Variants in MYO7A observed in about 807,000 individuals in gnomAD.
The protein encoded by MYO7A is unconventional myosin-VIIa.
In MYO7A, 210 loss-of-function variants were observed where a neutral mutation model predicts 263.8. That is an observed-to-expected ratio of 0.80 (90% CI 0.71 to 0.89). MYO7A has a LOEUF of 0.89. MYO7A is among the 40% of genes least tolerant of loss of function. MYO7A has a pLI of 0.00. For synonymous variants in MYO7A, 1,239 were observed against 1,197.3 expected (o/e 1.03, Z -0.72); for missense variants, 2,820 against 2,968.3 (o/e 0.95, Z 1.16).
At chr11:77,201,892 G>A (rs920366710) in intron 36 of MYO7A, among the ~76,000 whole-genome samples, 5 of 152,002 alleles carry the variant, frequency 3.3e-5, no homozygotes, top group South Asian at 4.1e-4. Context: ...TGTATCACCC[G>A]CACTGTCTGA....
rs1952582960 is a variant in MYO7A at position 77,157,368 on chromosome 11, C to A, written c.825C>A (p.Ala275=). The A allele has an allele frequency of 1.9e-6, 3 of 1,609,952 alleles. No homozygotes were observed. Among genetic ancestry groups the A allele is most frequent in the Non-Finnish European group, 2.5e-6 (3 of 1,178,242 alleles). ...DQKKKLGLGQ[A]SDYNYLAMGN... ...AGAAGAAGCTGGGCTTGGGCCAGGC[C>A]TCTGACTACAACTACTTGGCCATGG... is the stretch of plus-strand genomic sequence containing the variant. The change falls in exon 8 of 49, where the codon GCC becomes GCA. Residue 275 remains alanine (A), a synonymous_variant. Transcript: ENST00000409709.
intron 41 of MYO7A, among the ~76,000 whole-genome samples, chr11:77,206,756 C>A (rs1957468038): frequency 1.3e-5 from 2 of 152,218 alleles, no homozygotes; most frequent in South Asian, 4.1e-4. Flanking sequence ...ATAAGCTTTT[C>A]ATTTGAAGAG....
chr11:77,177,564 C>G lies in MYO7A; in HGVS notation c.2203C>G (p.Leu735Val). The G allele has an allele frequency of 6.2e-7, 1 of 1,611,260 alleles. No individual in the cohort carries two copies. Reference sequence around the variant, plus strand: ...TGCCTCCTAGGACCACCATGACATGCTGCTGGAAGTGGAGCGGGACAAAGC... The same window carrying G: ...TGCCTCCTAGGACCACCATGACATGGTGCTGGAAGTGGAGCGGGACAAAGC... Reference protein sequence around the residue: ...KIFLKDHHDMLLEVERDKAIT... With the variant: ...KIFLKDHHDMVLEVERDKAIT... The change falls in exon 19 of 49, where the codon CTG becomes GTG. Residue 735 changes from leucine to valine, a missense_variant. Physicochemically the swap from Leu to Val is conservative, Grantham distance 32 (BLOSUM62 1). Transcript: ENST00000409709.
intron 19 of MYO7A, 84 bp downstream of exon 19, chr11:77,177,727 A>G (rs908872894): frequency 6.9e-6 from 8 of 1,154,230 alleles, no homozygotes; most frequent in Non-Finnish European, 8.8e-6. Context: ...CTCTGCCCGC[A>G]TGAACACTAG....
rs187679481 is a variant in MYO7A, at chr11:77,159,496, G to A, written c.1053G>A (p.Ser351=). 1.4e-5 allele frequency: 22 copies of A among 1,594,830 alleles called. No homozygotes were observed. The East Asian group carries it at 2.0e-4, about 15-fold the overall frequency. ...CCTGTGAGGTTCTCTTCTCCCCATC[G>A]CTGGCCACAGCTGCATCCCTGCTTG... The part of the protein sequence containing the change: ...LDACEVLFSP[S]LATAASLLEV... The change falls in exon 10 of 49, where the codon TCG becomes TCA. Residue 351 remains serine (S), a synonymous_variant. Transcript: ENST00000409709.
chr11:77,135,394 C>T (rs1950878454), intron 2 of MYO7A, among the ~76,000 whole-genome samples: 2 of 152,188 alleles, frequency 1.3e-5, no homozygotes, highest in South Asian at 2.1e-4. Flanking sequence ...TAGCATGTGT[C>T]AGAATTTCCT....
chr11:77,143,191 G>T (rs1187204457), intron 3 of MYO7A, among the ~76,000 whole-genome samples: 2 of 152,162 alleles, frequency 1.3e-5, no homozygotes, highest in African/African-American at 4.8e-5. Context: ...GCGCAAACTT[G>T]GCCTAGTCTC....
At chr11:77,157,097 C>T in intron 7 of MYO7A, 93 bp downstream of exon 7, 2 of 1,527,444 alleles carry the variant, frequency 1.3e-6, no homozygotes, top group Middle Eastern at 1.9e-4. Flanking sequence ...GCCCGTATTG[C>T]TCCCCCACCT....
rs116369784 is a variant in MYO7A, at chr11:77,200,351, C to G, written c.4852+533C>G. 6.3e-3 allele frequency among the ~76,000 whole-genome samples: 957 copies of G among 152,154 alleles called. 4 individuals are homozygous for G. The highest frequency in any genetic ancestry group is 0.022 in the African/African-American group (909 of 41,522). ...TGATGAAGGCCCCAGGAAGCTTCCA[C>G]TCATGGCAGAAGGAGAAGGGGTGCC... On this transcript the variant is annotated intron_variant, in intron 35 of 48. Transcript: ENST00000409709.
intron 15 of MYO7A, among the ~76,000 whole-genome samples, chr11:77,170,224 G>C (rs1229617570): frequency 3.3e-5 from 5 of 152,292 alleles, no homozygotes; most frequent in Admixed American, 2.6e-4. Context: ...GTCAGGAAAG[G>C]CCTGCCTGAG....
In MYO7A at chr11:77,161,143, A is replaced by G. The variant is rs782580352; in HGVS notation, c.1343+28A>G. 2.5e-6 allele frequency: 4 copies of G among 1,611,302 alleles called. No homozygotes were observed. The African/African-American group carries it at 4.0e-5, about 16-fold the overall frequency. Reference sequence around the variant, plus strand: ...ACCGCGTGGGGCTCTGCTCATGGGAATTTCCTTCCCCAATATGGAAATAAG... The same window carrying G: ...ACCGCGTGGGGCTCTGCTCATGGGAGTTTCCTTCCCCAATATGGAAATAAG... On this transcript the variant is annotated intron_variant, in intron 12 of 48. Transcript: ENST00000409709.
rs181537093 is a variant in MYO7A, at chr11:77,158,196, T to C, written c.850-81T>C. 7.0e-4 allele frequency: 1,001 copies of C among 1,432,376 alleles called. 12 individuals are homozygous for C. In the African/African-American group the frequency reaches 0.012, roughly 17 times the overall value. 88.7% of individuals were successfully genotyped at this position (1,432,376 alleles called of 1,614,324 possible). A position where few individuals can be genotyped will look rare whatever the true frequency, so the allele number is the denominator to read the frequency against. ...CTGGCCTGTCAGGCAGAAAGGGCCTTTTGGGCAGGCAGCCAGGCACTGCCC... is the reference window on the plus strand; with the variant it reads ...CTGGCCTGTCAGGCAGAAAGGGCCTCTTGGGCAGGCAGCCAGGCACTGCCC... On this transcript the variant is annotated intron_variant, in intron 8 of 48. Transcript: ENST00000409709.
chr11:77,214,345 C>A (rs1958033561), intron 48 of MYO7A, among the ~76,000 whole-genome samples: 1 of 152,186 alleles, frequency 6.6e-6, no homozygotes, highest in African/African-American at 2.4e-5. Flanking sequence ...CCAGTAGGGT[C>A]ACTCTTGGAG....
intron 3 of MYO7A, among the ~76,000 whole-genome samples, chr11:77,143,067 G>C (rs1951327325): frequency 6.6e-6 from 1 of 151,930 alleles, no homozygotes; most frequent in Non-Finnish European, 1.5e-5. Context: ...TGTTAGAGAT[G>C]TGTGTGTGTG....
At chr11:77,205,949 C>T (rs1427618864) in intron 40 of MYO7A, 148 bp from the exon 41 acceptor site, 4 of 707,006 alleles carry the variant, frequency 5.7e-6, no homozygotes, top group Non-Finnish European at 9.7e-6. Context: ...ATGAGGAGCT[C>T]AAGGCTCTGG....
chr11:77,174,776 C>A lies in MYO7A; in HGVS notation c.1956C>A (p.Cys652Ter), dbSNP rs367693437. ...KKPMLFDRHL[C>*]VRQLRYSGMM... ...GGCAGCTGTTCGACCGGCACCTGTG[C>A]GTGCGCCAGCTGCGGTACTCAGGAA... Residue 652 changes from cysteine to a stop codon, truncating the protein, a stop_gained, in exon 17 of 49, where the codon TGC (cysteine) becomes TGA (stop). Coordinates refer to ENST00000409709, the MANE Select transcript of MYO7A (RefSeq NM_000260.4). LOFTEE classifies it high-confidence loss of function. 1 of 1,601,120 alleles carries A rather than the reference C, an allele frequency of 6.2e-7. No individual in the cohort carries two copies. The highest frequency in any genetic ancestry group is 1.1e-5 in the South Asian group (1 of 88,850).
rs1555069326 is a variant in MYO7A, at chr11:77,162,153, G to A, written c.1377G>A (p.Glu459=). The change falls in exon 13 of 49, where the codon GAG becomes GAA. Residue 459 remains glutamate, a synonymous_variant. Coordinates refer to ENST00000409709, the MANE Select transcript of MYO7A (RefSeq NM_000260.4). ...FEQLCINFAN[E]HLQQFFVRHV... is the part of the protein sequence containing the mutation. ...AGCTCTGCATCAACTTCGCCAATGA[G>A]CACCTGCAGCAGTTCTTTGTGCGGC... 8 of 1,603,858 alleles carry A rather than the reference G, an allele frequency of 5.0e-6. No individual in the cohort carries two copies. Among genetic ancestry groups the A allele is most frequent in the Admixed American group, 1.7e-5 (1 of 58,734 alleles).
At chr11:77,181,624 C>T (rs782188774) in intron 23 of MYO7A, 35 bp downstream of exon 23, 4 of 1,587,286 alleles carry the variant, frequency 2.5e-6, no homozygotes, top group South Asian at 2.2e-5. Flanking sequence ...CAGAGGCCCA[C>T]ACACACCGCT....
rs1555085623 is a variant in MYO7A, at chr11:77,182,611, G to C, written c.3285+11G>C. 1 of 1,612,588 alleles carries C rather than the reference G, an allele frequency of 6.2e-7. No individual in the cohort carries two copies. The highest frequency in any genetic ancestry group is 1.3e-5 in the African/African-American group (1 of 74,952). ...CAGGGCGAGGGCGAGGTGAGGCCAAGGTGCCCTCTGGATGATGTCCCTCCC... is the reference window on the plus strand; with the variant it reads ...CAGGGCGAGGGCGAGGTGAGGCCAACGTGCCCTCTGGATGATGTCCCTCCC... On this transcript the variant is annotated intron_variant, in intron 25 of 48. Coordinates refer to ENST00000409709, the MANE Select transcript of MYO7A (RefSeq NM_000260.4).
Sources: gnomAD v4.1 joint callset for allele counts (sites outside exome capture counted in the v4.1 genomes callset) on GRCh38, gnomAD v4.1.1 for gene constraint, MANE v1.5 for transcripts, NCBI Gene and HGNC (gene_info 2026-07-23, HGNC 2026-07-21) for gene names.